CNTN5: variants seen among roughly 807,000 people sequenced by gnomAD.
The protein encoded by CNTN5 is contactin 5.
In CNTN5, 77 loss-of-function variants were observed where a neutral mutation model predicts 129.1. The observed-to-expected ratio is 0.60, with a 90% CI of 0.50 to 0.72. The LOEUF is 0.72. CNTN5 is among the 30% of genes least tolerant of loss of function. The pLI is 0.00. For missense variants in CNTN5, 1,478 were observed against 1,328.8 expected (o/e 1.11, Z -1.75); for synonymous variants, 509 against 465.6 (o/e 1.09, Z -1.20).
In CNTN5 at chr11:99,028,347, AAG is replaced by A. The variant is rs139795995; in HGVS notation, c.-210+7081_-210+7082del. Among the ~76,000 whole-genome samples, 469 of 152,044 alleles carry A rather than the reference AAG, an allele frequency of 3.1e-3. 5 individuals are homozygous for A. The highest frequency in any genetic ancestry group is 0.01 in the African/African-American group (427 of 41,550). ...GTGGCAGTACAAAGGAAGAATATAA[AAG>A]AGAATAAATAGTTCAAACCTGGTGG... is the stretch of plus-strand genomic sequence containing the variant. On this transcript the variant is annotated intron_variant, in intron 1 of 24. Transcript: ENST00000524871.
intron 1 of CNTN5, among the ~76,000 whole-genome samples, chr11:99,261,291 G>A (rs1862615718): frequency 6.6e-6 from 1 of 151,964 alleles, no homozygotes; most frequent in African/African-American, 2.4e-5. Context: ...AAATTAAAAT[G>A]TGTAATTCTT....
chr11:99,256,454 T>C (rs1456380338), intron 1 of CNTN5, among the ~76,000 whole-genome samples: 3 of 152,064 alleles, frequency 2.0e-5, no homozygotes, highest in Non-Finnish European at 4.4e-5. Flanking sequence ...ATTTTATATA[T>C]ATGTTTTGTT....
intron 13 of CNTN5, among the ~76,000 whole-genome samples, chr11:100,177,410 C>A (rs1270975287): frequency 6.6e-6 from 1 of 152,070 alleles, no homozygotes. Context: ...CACTGTGGTA[C>A]CTGAGGGTAG....
At chr11:99,274,822 G>A (rs17660476) in intron 1 of CNTN5, among the ~76,000 whole-genome samples, 41,869 of 151,182 alleles carry the variant, frequency 0.28, 5,985 homozygotes, top group Middle Eastern at 0.35. Context: ...CCCAGATGCT[G>A]TAAGAAAATG....
intron 18 of CNTN5, among the ~76,000 whole-genome samples, chr11:100,285,116 T>C (rs1180553499): frequency 6.6e-6 from 1 of 152,242 alleles, no homozygotes; most frequent in Non-Finnish European, 1.5e-5. Context: ...CTCAATATTA[T>C]TGGAAGATAT....
chr11:99,031,020 A>G (rs1213270425), intron 1 of CNTN5, among the ~76,000 whole-genome samples: 2 of 151,088 alleles, frequency 1.3e-5, no homozygotes, highest in South Asian at 2.1e-4. Flanking sequence ...GATGGTCTTG[A>G]TCTCCTGACC....
At chr11:99,547,059 A>G (rs1479937264) in intron 2 of CNTN5, among the ~76,000 whole-genome samples, 4 of 145,190 alleles carry the variant, frequency 2.8e-5, no homozygotes, top group Non-Finnish European at 4.5e-5. Context: ...GCTGGAGTGC[A>G]ACGGCACGAT....
intron 2 of CNTN5, among the ~76,000 whole-genome samples, chr11:99,499,910 T>C (rs1946364954): frequency 6.6e-6 from 1 of 152,158 alleles, no homozygotes; most frequent in Admixed American, 6.5e-5. Flanking sequence ...AAGTTAGACT[T>C]ACGTAAAAAA....
At chr11:99,623,960 A>G (rs1951043469) in intron 3 of CNTN5, among the ~76,000 whole-genome samples, 1 of 152,162 alleles carries the variant, frequency 6.6e-6, no homozygotes, top group Non-Finnish European at 1.5e-5. Flanking sequence ...ATTAAGGGTG[A>G]GAAGTTGATA....
At chr11:100,264,687 A>G (rs1950266675) in intron 17 of CNTN5, among the ~76,000 whole-genome samples, 1 of 152,168 alleles carries the variant, frequency 6.6e-6, no homozygotes, top group Non-Finnish European at 1.5e-5. Context: ...GTGCTGCAAT[A>G]AACATATGTG....
intron 1 of CNTN5, among the ~76,000 whole-genome samples, chr11:99,279,781 T>C (rs1258264144): frequency 4.0e-5 from 6 of 151,734 alleles, no homozygotes; most frequent in South Asian, 4.1e-4. Flanking sequence ...CACGATAATA[T>C]TGTGCAATTT....
At chr11:100,051,095 A>G (rs188654491) in intron 9 of CNTN5, among the ~76,000 whole-genome samples, 12 of 152,254 alleles carry the variant, frequency 7.9e-5, no homozygotes, top group South Asian at 2.1e-4. Flanking sequence ...TTATAAGAAG[A>G]ACAAGAAGAC....
intron 1 of CNTN5, among the ~76,000 whole-genome samples, chr11:99,059,045 C>CTCCT (rs1024081553): frequency 1.4e-5 from 2 of 147,990 alleles, no homozygotes; most frequent in Non-Finnish European, 1.5e-5. Flanking sequence ...CCCTCCCTCC[C>CTCCT]TCCTTCCTTC....
intron 18 of CNTN5, among the ~76,000 whole-genome samples, chr11:100,274,922 A>C (rs1308368627): frequency 6.6e-6 from 1 of 152,240 alleles, no homozygotes; most frequent in Non-Finnish European, 1.5e-5. Context: ...GTGATGAAAT[A>C]ATCTGTACAA....
intron 2 of CNTN5, among the ~76,000 whole-genome samples, chr11:99,368,127 G>A (rs1162388178): frequency 6.6e-6 from 1 of 151,940 alleles, no homozygotes; most frequent in Non-Finnish European, 1.5e-5. Context: ...TAATAATATT[G>A]TTGCCCAAAT....
intron 6 of CNTN5, among the ~76,000 whole-genome samples, chr11:99,898,373 A>G (rs995600385): frequency 4.6e-5 from 7 of 152,112 alleles, no homozygotes; most frequent in African/African-American, 1.7e-4. Context: ...GAAATGATTA[A>G]GGTGACATCA....
intron 2 of CNTN5, among the ~76,000 whole-genome samples, chr11:99,352,756 C>G (rs987453405): frequency 9.2e-5 from 14 of 152,064 alleles, no homozygotes; most frequent in Non-Finnish European, 1.9e-4. Flanking sequence ...AAGGTGGGAG[C>G]TTATATAACC....
At chr11:99,695,827 A>G (rs1954245321) in intron 3 of CNTN5, among the ~76,000 whole-genome samples, 1 of 152,080 alleles carries the variant, frequency 6.6e-6, no homozygotes, top group Non-Finnish European at 1.5e-5. Context: ...CCTTATGCAA[A>G]TTACTAGATT....
At chr11:99,351,929 G>T (rs113628063) in intron 2 of CNTN5, among the ~76,000 whole-genome samples, 2 of 152,210 alleles carry the variant, frequency 1.3e-5, no homozygotes, top group African/African-American at 4.8e-5. Context: ...CGTACCAAAG[G>T]GTTATAAGAT....
Sources: allele counts gnomAD v4.1 joint callset (sites outside exome capture counted in the v4.1 genomes callset), GRCh38; gene constraint gnomAD v4.1.1; transcripts MANE v1.5; gene names NCBI Gene and HGNC (gene_info 2026-07-23, HGNC 2026-07-21).